The following PPEF2 variants were observed in gnomAD, a reference collection of about 807,000 sequenced individuals.
PPEF2 encodes the protein serine/threonine-protein phosphatase with EF-hands 2.
In PPEF2, 84 loss-of-function variants were observed where a neutral mutation model predicts 84.7. The ratio of observed to expected loss-of-function variants is 0.99; its 90% CI spans 0.83 to 1.19. PPEF2 has a LOEUF of 1.19. Ranked by LOEUF, PPEF2 falls within the 50% of genes most tolerant of loss-of-function variation. PPEF2 has a pLI of 0.00. For synonymous variants in PPEF2, 346 were observed against 345.2 expected (o/e 1.00, Z -0.03); for missense variants, 924 against 937.5 (o/e 0.99, Z 0.19).
intron 2 of PPEF2, among the ~76,000 whole-genome samples, chr4:75,894,080 G>A (rs1002682680): frequency 1.3e-5 from 2 of 152,180 alleles, no homozygotes; most frequent in African/African-American, 2.4e-5. Context: ...CACCTGGGCT[G>A]TAAAAACTCT....
intron 5 of PPEF2, 29 bp downstream of exon 5, chr4:75,889,928 A>G (rs374530403): frequency 5.6e-6 from 9 of 1,611,042 alleles, no homozygotes; most frequent in Middle Eastern, 1.7e-4. Flanking sequence ...TGGAGTTGGT[A>G]GTGACCCAGG....
rs746087687 is a variant in PPEF2, at chr4:75,866,185, T to A, written c.1920+4A>T. 5.0e-6 allele frequency: 8 copies of A among 1,608,586 alleles called. No homozygotes were observed. Among genetic ancestry groups the A allele is most frequent in the Non-Finnish European group, 6.8e-6 (8 of 1,176,858 alleles). On this transcript the variant is annotated splice_donor_region_variant and intron_variant, in intron 15 of 16. Coordinates refer to ENST00000286719, the MANE Select transcript of PPEF2 (RefSeq NM_006239.3). ...GCTCTCATCCACCATTACCACACCG[T>A]TACCTCGCGACTCAGTTGTTCCTTG...
chr4:75,889,604 T>G (rs775025967), intron 5 of PPEF2, among the ~76,000 whole-genome samples: 12 of 152,242 alleles, frequency 7.9e-5, no homozygotes, highest in Non-Finnish European at 1.2e-4. Context: ...TATTGTTCAT[T>G]GTCTGCCTCC....
Position 75,872,112 on chromosome 4 carries a change from GC to G in PPEF2, c.1561del (p.Ala521ProfsTer9). The G allele has an allele frequency of 6.2e-7, 1 of 1,613,868 alleles. No individual in the cohort carries two copies. The highest frequency in any genetic ancestry group is 1.1e-5 in the South Asian group (1 of 91,070). On this transcript the variant is annotated frameshift_variant, in exon 13 of 17. Transcript: ENST00000286719. LOFTEE classifies it high-confidence loss of function. ...CAGGGCTGGCCCCAGTTTGACATAG[GC>G]CCCTCTGTTGCTGCCAACTTCATAG... ...NYYEVGSNRG[A>X]YVKLGPALTP...
At position 75,860,633 on chromosome 4, in the gene PPEF2, T is replaced by C. The variant is rs888284497; in HGVS notation, c.*34A>G. 12 of 1,610,224 alleles carry C rather than the reference T, an allele frequency of 7.5e-6. No homozygotes were observed. Among genetic ancestry groups the C allele is most frequent in the Non-Finnish European group, 1.0e-5 (12 of 1,177,742 alleles). ...CTAGTGAGAAGCTGAGCATTGCCTA[T>C]GAGGCACTTTGGGTGATGAAGACCA... On this transcript the variant is annotated 3_prime_UTR_variant, in exon 17 of 17. Transcript: ENST00000286719.
intron 13 of PPEF2, among the ~76,000 whole-genome samples, chr4:75,868,936 G>T (rs1465872299): frequency 6.6e-6 from 1 of 152,134 alleles, no homozygotes; most frequent in Non-Finnish European, 1.5e-5. Context: ...TTGAGCCCAG[G>T]AGTTCGAGGT....
At chr4:75,871,023 T>C (rs1724258939) in intron 13 of PPEF2, among the ~76,000 whole-genome samples, 1 of 151,942 alleles carries the variant, frequency 6.6e-6, no homozygotes, top group Non-Finnish European at 1.5e-5. Flanking sequence ...GTTCCAGCAA[T>C]TCTCCTGCCT....
intron 1 of PPEF2, among the ~76,000 whole-genome samples, chr4:75,898,550 C>T (rs1725057192): frequency 6.6e-6 from 1 of 152,230 alleles, no homozygotes; most frequent in South Asian, 2.1e-4. Context: ...ATTTCCATCA[C>T]TGCAATACCA....
chr4:75,893,251 A>G (rs542692910), intron 2 of PPEF2, among the ~76,000 whole-genome samples: 1 of 152,288 alleles, frequency 6.6e-6, no homozygotes, highest in African/African-American at 2.4e-5. Flanking sequence ...TAATCCTAAC[A>G]CTTTGGGAGG....
intron 6 of PPEF2, among the ~76,000 whole-genome samples, chr4:75,887,835 G>A (rs1358465372): frequency 3.3e-5 from 5 of 152,160 alleles, no homozygotes; most frequent in Admixed American, 2.0e-4. Flanking sequence ...TCCAGGAGAG[G>A]AATGTGTGTG....
chr4:75,883,387 A>G (rs1724629290), intron 8 of PPEF2, 185 bp from the exon 9 acceptor site: 2 of 595,466 alleles, frequency 3.4e-6, no homozygotes, highest in South Asian at 4.5e-5. Flanking sequence ...ATTATGGGAT[A>G]TTTTAATTTT....
chr4:75,875,792 G>A (rs974048871), intron 11 of PPEF2, among the ~76,000 whole-genome samples: 8 of 151,958 alleles, frequency 5.3e-5, no homozygotes, highest in African/African-American at 1.2e-4. Flanking sequence ...TCCTTCTTCC[G>A]TACTGACAGA....
intron 16 of PPEF2, among the ~76,000 whole-genome samples, chr4:75,863,610 G>A (rs1337141161): frequency 6.6e-6 from 1 of 151,848 alleles, no homozygotes; most frequent in Non-Finnish European, 1.5e-5. Flanking sequence ...GAATTATATG[G>A]TTTGTGAATT....
intron 2 of PPEF2, among the ~76,000 whole-genome samples, chr4:75,895,113 C>T (rs1269486168): frequency 4.7e-5 from 7 of 148,800 alleles, no homozygotes; most frequent in African/African-American, 1.5e-4. Flanking sequence ...CTCGCCACCA[C>T]ACCCAGCTAA....
intron 11 of PPEF2, among the ~76,000 whole-genome samples, chr4:75,875,009 C>G (rs1174403279): frequency 6.6e-6 from 1 of 150,928 alleles, no homozygotes; most frequent in Non-Finnish European, 1.5e-5. Context: ...GCGTGACATT[C>G]TCCTGCCTCA....
rs909563476 is a variant in PPEF2, at chr4:75,874,382, G to A, written c.1321-1070C>T. 2.0e-5 allele frequency among the ~76,000 whole-genome samples: 3 copies of A among 151,016 alleles called. No homozygotes were observed. The South Asian group carries it at 6.3e-4, about 32-fold the overall frequency. On this transcript the variant is annotated intron_variant, in intron 11 of 16. Coordinates refer to ENST00000286719, the MANE Select transcript of PPEF2 (RefSeq NM_006239.3). ...GCAATCTCGGCTCACTGCAACCTCT[G>A]CCTCCCAGGTTCAAGCGATTCTCCT...
chr4:75,878,623 T>C (rs912269650), intron 10 of PPEF2, among the ~76,000 whole-genome samples: 2 of 152,176 alleles, frequency 1.3e-5, no homozygotes, highest in African/African-American at 4.8e-5. Flanking sequence ...TTATCTGACA[T>C]TGGACAAGCG....
intron 10 of PPEF2, among the ~76,000 whole-genome samples, chr4:75,877,173 C>A (rs142187732): frequency 0.028 from 4,151 of 150,778 alleles, 186 homozygotes; most frequent in African/African-American, 0.095. Flanking sequence ...CCCCATCTCT[C>A]CTAAAAATAC....
At chr4:75,892,278 A>G (rs556104436) in intron 2 of PPEF2, among the ~76,000 whole-genome samples, 1 of 152,254 alleles carries the variant, frequency 6.6e-6, no homozygotes, top group East Asian at 1.9e-4. Context: ...AAAAGGTTGG[A>G]CTGCCAGGAT....
Sources: allele counts gnomAD v4.1 joint callset (sites outside exome capture counted in the v4.1 genomes callset), GRCh38; gene constraint gnomAD v4.1.1; transcripts MANE v1.5; gene names NCBI Gene and HGNC (gene_info 2026-07-23, HGNC 2026-07-21).